Variants in KCNIP1 observed in about 807,000 individuals in gnomAD.
KCNIP1 encodes the protein A-type potassium channel modulatory protein KCNIP1.
Under a neutral mutation model 33.0 loss-of-function variants are expected in KCNIP1, and 18 were observed. That is an observed-to-expected ratio of 0.55 (90% CI 0.38 to 0.81). The LOEUF (loss-of-function observed/expected upper bound fraction) is 0.81. Among genes scored for constraint, KCNIP1 ranks in the 30% least tolerant of loss-of-function variants. KCNIP1 has a pLI of 0.00. For missense variants in KCNIP1, 238 were observed against 271.6 expected (o/e 0.88, Z 0.87); for synonymous variants, 93 against 98.3 (o/e 0.95, Z 0.32).
Position 170,382,128 on chromosome 5 carries a change from C to A in KCNIP1, c.88+28164C>A, listed in dbSNP as rs553991623. Among the ~76,000 whole-genome samples, 12 of 152,284 alleles carry A rather than the reference C, an allele frequency of 7.9e-5. No homozygotes were observed. In the South Asian group the frequency reaches 2.3e-3, roughly 29 times the overall value. On this transcript the variant is annotated intron_variant, in intron 1 of 7. Coordinates refer to the KCNIP1 transcript ENST00000377360. ...ACATCTTGGTCGTGAGTGCTTGCTG[C>A]GGCCTTGGCTCCTCTGTCTAGTAAC... is the stretch of plus-strand genomic sequence containing the variant.
chr5:170,510,396 G>A (rs372529615), intron 1 of KCNIP1, among the ~76,000 whole-genome samples: 13 of 152,302 alleles, frequency 8.5e-5, no homozygotes, highest in Non-Finnish European at 1.5e-4. Context: ...CAGAGTGTGC[G>A]TTCTTGATGG....
intron 1 of KCNIP1, among the ~76,000 whole-genome samples, chr5:170,395,456 A>G (rs1479168733): frequency 6.6e-6 from 1 of 152,204 alleles, no homozygotes; most frequent in Non-Finnish European, 1.5e-5. Context: ...GATATTTAAG[A>G]AGGGTACTTG....
At chr5:170,493,138 G>A (rs1757241808) in intron 1 of KCNIP1, among the ~76,000 whole-genome samples, 1 of 152,146 alleles carries the variant, frequency 6.6e-6, no homozygotes, top group South Asian at 2.1e-4. Flanking sequence ...CCGCCCACTT[G>A]GTTTCTGTGG....
chr5:170,558,554 C>T (rs1462186218), intron 1 of KCNIP1, among the ~76,000 whole-genome samples: 1 of 152,182 alleles, frequency 6.6e-6, no homozygotes, highest in Non-Finnish European at 1.5e-5. Context: ...ATCATGGAAG[C>T]GCTCTCACAG....
intron 1 of KCNIP1, among the ~76,000 whole-genome samples, chr5:170,451,927 G>A (rs1756264235): frequency 6.6e-6 from 1 of 152,164 alleles, no homozygotes; most frequent in African/African-American, 2.4e-5. Flanking sequence ...GCATGGAGCA[G>A]ACACTCTCTA....
chr5:170,548,368 G>C (rs959587550), intron 1 of KCNIP1, among the ~76,000 whole-genome samples: 1 of 152,130 alleles, frequency 6.6e-6, no homozygotes, highest in African/African-American at 2.4e-5. Context: ...TTTCTTGTGT[G>C]TTTTACAATT....
intron 1 of KCNIP1, among the ~76,000 whole-genome samples, chr5:170,700,730 C>T (rs1561772645): frequency 6.6e-6 from 1 of 152,194 alleles, no homozygotes; most frequent in Non-Finnish European, 1.5e-5. Context: ...ACCTGTGGCA[C>T]ACTTCACTCC....
chr5:170,454,497 T>C (rs925596818), intron 1 of KCNIP1, among the ~76,000 whole-genome samples: 3 of 152,220 alleles, frequency 2.0e-5, no homozygotes, highest in Non-Finnish European at 2.9e-5. Flanking sequence ...CCCTTACTTA[T>C]AAGTCAGGAG....
At chr5:170,568,648 TAAAAAAAAAAAAA>T (rs33992187) in intron 1 of KCNIP1, among the ~76,000 whole-genome samples, 1 of 43,714 alleles carries the variant, frequency 2.3e-5, no homozygotes, top group African/African-American at 6.4e-5. Flanking sequence ...CCGTTTCTAC[TAAAAAAAAAAAAA>T]AAAAAAAAAA....
intron 1 of KCNIP1, among the ~76,000 whole-genome samples, chr5:170,517,541 A>G (rs192576384): frequency 1.6e-3 from 246 of 150,786 alleles, no homozygotes; most frequent in Non-Finnish European, 1.7e-3. Flanking sequence ...TTATTATAGT[A>G]TAGGTGATGT....
chr5:170,502,556 C>T (rs73313426), upstream of KCNIP1, among the ~76,000 whole-genome samples: 4,782 of 152,222 alleles, frequency 0.031, 238 homozygotes, highest in African/African-American at 0.11. Context: ...TCTCCACCTT[C>T]GTGGGGGGCA....
intron 1 of KCNIP1, among the ~76,000 whole-genome samples, chr5:170,592,254 C>A (rs1268217095): frequency 6.6e-6 from 1 of 152,076 alleles, no homozygotes; most frequent in Non-Finnish European, 1.5e-5. Flanking sequence ...CATGTTCTTA[C>A]TGACCTTTTA....
At chr5:170,386,044 T>C (rs943200722) in intron 1 of KCNIP1, among the ~76,000 whole-genome samples, 8 of 150,692 alleles carry the variant, frequency 5.3e-5, no homozygotes, top group African/African-American at 1.7e-4. Flanking sequence ...GAGAATGGCA[T>C]GAACCCAGGA....
At chr5:170,538,082 C>T (rs9313509) in intron 1 of KCNIP1, among the ~76,000 whole-genome samples, 43,241 of 152,122 alleles carry the variant, frequency 0.28, 9,314 homozygotes, top group African/African-American at 0.61. Flanking sequence ...CTACTACAGC[C>T]TTTCCCATTT....
chr5:170,463,486 G>C (rs1756549514), intron 1 of KCNIP1, among the ~76,000 whole-genome samples: 1 of 151,916 alleles, frequency 6.6e-6, no homozygotes, highest in Non-Finnish European at 1.5e-5. Flanking sequence ...GACCAAATAG[G>C]ATTTATCAAA....
intron 1 of KCNIP1, chr5:170,378,563 C>T: frequency 1.1e-6 from 1 of 910,316 alleles, no homozygotes. Flanking sequence ...AAGGTTAGTC[C>T]TGCAACAGAA....
At chr5:170,708,856 A>G (rs1763350989) in intron 1 of KCNIP1, among the ~76,000 whole-genome samples, 1 of 152,186 alleles carries the variant, frequency 6.6e-6, no homozygotes, top group African/African-American at 2.4e-5. Context: ...TGGAGATCAC[A>G]CCAGTGCACT....
intron 1 of KCNIP1, among the ~76,000 whole-genome samples, chr5:170,455,901 C>T (rs1174733533): frequency 2.0e-5 from 3 of 152,180 alleles, no homozygotes; most frequent in South Asian, 2.1e-4. Context: ...GACAATATGG[C>T]GATTCCTCAA....
chr5:170,369,490 C>T (rs1763787571), intron 1 of KCNIP1, among the ~76,000 whole-genome samples: 1 of 152,202 alleles, frequency 6.6e-6, no homozygotes, highest in African/African-American at 2.4e-5. Context: ...TTGCACGGTT[C>T]TTTTTCTGCC....
Sources: allele counts gnomAD v4.1 joint callset (sites outside exome capture counted in the v4.1 genomes callset), GRCh38; gene constraint gnomAD v4.1.1; transcripts MANE v1.5; gene names NCBI Gene and HGNC (gene_info 2026-07-23, HGNC 2026-07-21).